Variants in UBE3A observed in about 807,000 individuals in gnomAD.
The protein encoded by UBE3A is ubiquitin-protein ligase E3A.
A neutral mutation model predicts 83.4 loss-of-function variants in UBE3A; 6 were observed. That is an observed-to-expected ratio of 0.07 (90% CI 0.04 to 0.14). The LOEUF (loss-of-function observed/expected upper bound fraction) is 0.14. UBE3A is among the 10% of genes least tolerant of loss of function. The pLI, the probability that UBE3A is intolerant of heterozygous loss-of-function variation, is 1.00. For missense variants in UBE3A, 456 were observed against 1,036.1 expected (o/e 0.44, Z 7.69); for synonymous variants, 337 against 355.4 (o/e 0.95, Z 0.58).
chr15:25,421,825 G>C (rs1889902749), intron 1 of UBE3A: 1 of 152,088 alleles, frequency 6.6e-6, no homozygotes, highest in Non-Finnish European at 1.5e-5. Context: ...GCTGACATTT[G>C]GAGAACTGGA....
chr15:25,422,084 G>C (rs1889983785), intron 1 of UBE3A: 1 of 152,154 alleles, frequency 6.6e-6, no homozygotes, highest in Admixed American at 6.5e-5. Context: ...CTGTGGTATA[G>C]TCATATTGTA....
chr15:25,397,343 G>C (rs940931099), intron 4 of UBE3A, among the ~76,000 whole-genome samples: 1 of 152,168 alleles, frequency 6.6e-6, no homozygotes, highest in African/African-American at 2.4e-5. Flanking sequence ...CTGGAAACTT[G>C]TGACAAATAA....
rs765727905 is a variant in UBE3A, at chr15:25,408,623, C to T, written c.20+465G>A. On this transcript the variant is annotated intron_variant, in intron 3 of 12. Transcript: ENST00000648336. ...GCAAATTCAAATGGTGGCTCACTTC[C>T]AATAACACTGGTGCAGCTTCTCCAT... The T allele has an allele frequency of 7.4e-6, 12 of 1,613,822 alleles. No individual in the cohort carries two copies. The East Asian group carries it at 2.2e-4, about 30-fold the overall frequency.
rs1480079037 is a variant in UBE3A, at chr15:25,383,365, G to C, written c.63-7602C>G. 2.6e-5 allele frequency among the ~76,000 whole-genome samples: 4 copies of C among 152,190 alleles called. No individual in the cohort carries two copies. In the East Asian group the frequency reaches 7.8e-4, roughly 30 times the overall value. On this transcript the variant is annotated intron_variant, in intron 4 of 12. Transcript: ENST00000648336. The stretch of plus-strand genomic sequence containing the variant: ...TAGGATTTAAAAAAAGGCCAGACAG[G>C]GTGGCTCATGCCTGTAATCCCAGCA...
chr15:25,423,963 A>C (rs985782690), intron 1 of UBE3A, among the ~76,000 whole-genome samples: 3 of 152,076 alleles, frequency 2.0e-5, no homozygotes, highest in African/African-American at 7.2e-5. Flanking sequence ...CATTTCAGTC[A>C]CGTCTTAATC....
At chr15:25,343,459 A>G (rs1288550447) in intron 11 of UBE3A, among the ~76,000 whole-genome samples, 3 of 152,194 alleles carry the variant, frequency 2.0e-5, no homozygotes, top group Non-Finnish European at 2.9e-5. Flanking sequence ...CTGAAGAAAT[A>G]TGCAAGGTAA....
chr15:25,337,545 T>G lies in UBE3A; in HGVS notation c.*1592A>C, dbSNP rs1254037406. On this transcript the variant is annotated 3_prime_UTR_variant, in exon 13 of 13. Transcript: ENST00000648336. ...ATGGTACATAACAAACAGTTCTGTC[T>G]CAATTATGAAAAAAATTAATTAAAA... The G allele has an allele frequency of 6.6e-6, 1 of 152,154 alleles. No homozygotes were observed. The highest frequency in any genetic ancestry group is 2.4e-5 in the African/African-American group (1 of 41,436). 9.4% of individuals were successfully genotyped at this position (152,154 alleles called of 1,614,324 possible).
chr15:25,361,580 G>C (rs2719881), intron 6 of UBE3A, among the ~76,000 whole-genome samples: 1 of 152,066 alleles, frequency 6.6e-6, no homozygotes, highest in African/African-American at 2.4e-5. Flanking sequence ...AATATTAACT[G>C]TTTATACTGC....
chr15:25,376,051 T>C (rs572671297), intron 4 of UBE3A, among the ~76,000 whole-genome samples: 1 of 152,248 alleles, frequency 6.6e-6, no homozygotes, highest in East Asian at 1.9e-4. Context: ...TGTCTGATGG[T>C]ATATGTGCTT....
chr15:25,398,400 T>C (rs1001582590), intron 4 of UBE3A, among the ~76,000 whole-genome samples: 3 of 152,112 alleles, frequency 2.0e-5, no homozygotes, highest in African/African-American at 7.2e-5. Flanking sequence ...AATAGATACC[T>C]TGAACAAATT....
At position 25,370,024 on chromosome 15, in the gene UBE3A, C is replaced by T. The variant is rs1024289537; in HGVS notation, c.1608+542G>A. ...AAGAAACTACCACAGCCAGGCAGTGCCGTCCACACAGGGATATTCTAAGTG... is the reference window on the plus strand; with the variant it reads ...AAGAAACTACCACAGCCAGGCAGTGTCGTCCACACAGGGATATTCTAAGTG... On this transcript the variant is annotated intron_variant, in intron 6 of 12. Coordinates refer to ENST00000648336, the MANE Select transcript of UBE3A (RefSeq NM_130839.5). This position sits in a 1 kb window ranked among gnomAD's most constrained non-coding sequence, Gnocchi z 4.2. Among the ~76,000 whole-genome samples, 1 of 152,172 alleles carries T rather than the reference C, an allele frequency of 6.6e-6. No individual in the cohort carries two copies. The highest frequency in any genetic ancestry group is 2.4e-5 in the African/African-American group (1 of 41,438).
chr15:25,364,036 T>A (rs964767809), intron 6 of UBE3A, among the ~76,000 whole-genome samples: 1 of 137,626 alleles, frequency 7.3e-6, no homozygotes, highest in South Asian at 2.4e-4. Context: ...TACAAAAAAC[T>A]AATAAATAAA....
intron 1 of UBE3A, among the ~76,000 whole-genome samples, chr15:25,431,032 T>C (rs1395732036): frequency 6.6e-6 from 1 of 152,210 alleles, no homozygotes; most frequent in Non-Finnish European, 1.5e-5. Context: ...GCAGAAATCT[T>C]GATTTATGTG....
In UBE3A at chr15:25,409,130, A is replaced by C; in HGVS notation, c.-23T>G. On this transcript the variant is annotated 5_prime_UTR_variant, in exon 3 of 13. Coordinates refer to ENST00000648336, the MANE Select transcript of UBE3A (RefSeq NM_130839.5). ...CATTCGGTGACATCAGGGTGATCAC[A>C]GCTTTGAGTCACTGATTAAAAACAG... The C allele has an allele frequency of 2.5e-6, 4 of 1,594,802 alleles. No individual in the cohort carries two copies. Among genetic ancestry groups the C allele is most frequent in the Non-Finnish European group, 2.6e-6 (3 of 1,169,784 alleles).
At chr15:25,368,719 T>TTA (rs1482430720) in intron 6 of UBE3A, among the ~76,000 whole-genome samples, 2 of 152,136 alleles carry the variant, frequency 1.3e-5, no homozygotes, top group Non-Finnish European at 2.9e-5. Context: ...CACCTAAGGC[T>TTA]TTAAAAGCAG....
chr15:25,426,649 T>C (rs1891397481), intron 1 of UBE3A, among the ~76,000 whole-genome samples: 1 of 152,180 alleles, frequency 6.6e-6, no homozygotes, highest in African/African-American at 2.4e-5. Context: ...TAGCTTCTAA[T>C]TTAACTTCAA....
At chr15:25,353,406 T>G (rs116671377) in intron 11 of UBE3A, among the ~76,000 whole-genome samples, 519 of 152,334 alleles carry the variant, frequency 3.4e-3, no homozygotes, top group African/African-American at 0.012. Flanking sequence ...CCAAAATCCA[T>G]GCACGCTCAA....
chr15:25,398,774 TATATATATATATATA>T (rs1311632081), intron 4 of UBE3A, among the ~76,000 whole-genome samples: 5 of 17,970 alleles, frequency 2.8e-4, no homozygotes, highest in African/African-American at 7.6e-4. Context: ...CTTTTATTTA[TATATATATATATATA>T]TATATATATA....
chr15:25,363,918 GCCGTGGCTCACA>G (rs1350873701), intron 6 of UBE3A, among the ~76,000 whole-genome samples: 3 of 151,890 alleles, frequency 2.0e-5, no homozygotes, highest in Non-Finnish European at 4.4e-5. Context: ...AAGGCTGGGC[GCCGTGGCTCACA>G]CCTGTAATCC....
Sources: gnomAD v4.1 joint callset for allele counts (sites outside exome capture counted in the v4.1 genomes callset) on GRCh38, gnomAD v4.1.1 for gene constraint, Gnocchi (gnomAD v3.1) non-coding constraint, MANE v1.5 for transcripts, NCBI Gene and HGNC (gene_info 2026-07-23, HGNC 2026-07-21) for gene names.